Variants in GRIA1 observed in about 807,000 individuals in gnomAD.
GRIA1 encodes the protein glutamate receptor 1.
GRIA1 carries 31 observed loss-of-function variants against 99.2 expected under a neutral mutation model. The observed-to-expected ratio is 0.31, with a 90% CI of 0.23 to 0.42. The LOEUF (loss-of-function observed/expected upper bound fraction) is 0.42. GRIA1 is among the 10% of genes least tolerant of loss of function. The probability of loss-of-function intolerance (pLI) is 1.00; values close to 1 mark genes in which losing one functional copy is unlikely to be tolerated. For missense variants in GRIA1, 782 were observed against 1,157.5 expected (o/e 0.68, Z 4.71); for synonymous variants, 438 against 432.4 (o/e 1.01, Z -0.16).
At chr5:153,642,557 A>G (rs1753845609) in intron 2 of GRIA1, among the ~76,000 whole-genome samples, 1 of 151,324 alleles carries the variant, frequency 6.6e-6, no homozygotes, top group African/African-American at 2.4e-5. Context: ...TGAGATCTCA[A>G]CTCTACAGTT....
chr5:153,499,357 T>C (rs1035738753), intron 2 of GRIA1, among the ~76,000 whole-genome samples: 1 of 152,110 alleles, frequency 6.6e-6, no homozygotes, highest in African/African-American at 2.4e-5. Flanking sequence ...GGCTCACACT[T>C]GTAATCCCAG....
intron 11 of GRIA1, among the ~76,000 whole-genome samples, chr5:153,733,057 CT>C (rs1761154459): frequency 6.7e-6 from 1 of 149,854 alleles, no homozygotes; most frequent in East Asian, 2.0e-4. Context: ...TCACTTCTTG[CT>C]TTAGTATAAA....
intron 2 of GRIA1, among the ~76,000 whole-genome samples, chr5:153,638,844 G>T (rs192221637): frequency 2.6e-5 from 4 of 152,318 alleles, no homozygotes; most frequent in Admixed American, 2.6e-4. Context: ...TTATAGCTAG[G>T]AGTAGGGAGG....
At chr5:153,556,174 C>T (rs1001612984) in intron 2 of GRIA1, among the ~76,000 whole-genome samples, 7 of 152,128 alleles carry the variant, frequency 4.6e-5, no homozygotes, top group African/African-American at 1.7e-4. Context: ...GCAATTTTTT[C>T]AGAGCTTTTA....
At chr5:153,700,353 C>T (rs1381213452) in intron 10 of GRIA1, among the ~76,000 whole-genome samples, 1 of 152,124 alleles carries the variant, frequency 6.6e-6, no homozygotes, top group Non-Finnish European at 1.5e-5. Flanking sequence ...CCATCGCACT[C>T]CAGCCTGGGA....
intron 2 of GRIA1, among the ~76,000 whole-genome samples, chr5:153,620,019 A>G (rs894550393): frequency 6.6e-6 from 1 of 152,194 alleles, no homozygotes; most frequent in African/African-American, 2.4e-5. Flanking sequence ...ATAATGAGCT[A>G]AAACAAGAAG....
intron 2 of GRIA1, among the ~76,000 whole-genome samples, chr5:153,579,938 T>G (rs1029680646): frequency 2.0e-5 from 3 of 152,030 alleles, no homozygotes; most frequent in Admixed American, 1.3e-4. Flanking sequence ...ATTAAACAAT[T>G]AGGAACTGGA....
At chr5:153,701,592 G>C (rs77255323) in intron 10 of GRIA1, among the ~76,000 whole-genome samples, 12,068 of 112,868 alleles carry the variant, frequency 0.11, 1,027 homozygotes, top group East Asian at 0.6. Flanking sequence ...CTGTACTCCA[G>C]CCTGGGCGAC....
intron 10 of GRIA1, among the ~76,000 whole-genome samples, chr5:153,701,202 G>A (rs1252394338): frequency 6.6e-6 from 1 of 152,230 alleles, no homozygotes; most frequent in Non-Finnish European, 1.5e-5. Flanking sequence ...AGCCAACACA[G>A]CTGGTGGTGA....
intron 2 of GRIA1, among the ~76,000 whole-genome samples, chr5:153,511,040 T>C (rs879307392): frequency 2.0e-5 from 3 of 152,194 alleles, no homozygotes; most frequent in African/African-American, 7.2e-5. Context: ...AAAATGCTAA[T>C]GTGTCTTGTT....
intron 8 of GRIA1, among the ~76,000 whole-genome samples, chr5:153,688,342 C>G (rs1244443694): frequency 6.6e-6 from 1 of 152,194 alleles, no homozygotes; most frequent in Non-Finnish European, 1.5e-5. Flanking sequence ...CTCAAAAACC[C>G]TTGAGAATGA....
Position 153,762,048 on chromosome 5 carries a change from G to A in GRIA1, c.1824-2386G>A, listed in dbSNP as rs888483096. On this transcript the variant is annotated intron_variant, in intron 11 of 15. Coordinates refer to ENST00000285900, the MANE Select transcript of GRIA1 (RefSeq NM_000827.4). ...GGAGGGGTGATGGGAAGAGATTTGT[G>A]AACAGGTGCAAAGGCACAGTTAGAT... Among the ~76,000 whole-genome samples the A allele has an allele frequency of 7.2e-5, 11 of 152,156 alleles. No homozygotes were observed. The East Asian group carries it at 1.9e-3, about 27-fold the overall frequency.
intron 2 of GRIA1, among the ~76,000 whole-genome samples, chr5:153,535,263 T>A (rs923590548): frequency 5.9e-5 from 9 of 152,140 alleles, no homozygotes; most frequent in Non-Finnish European, 1.2e-4. Context: ...ATAAGGTGGG[T>A]AAATAGATGT....
intron 11 of GRIA1, among the ~76,000 whole-genome samples, chr5:153,707,414 T>G (rs1160110392): frequency 6.6e-6 from 1 of 152,232 alleles, no homozygotes; most frequent in Non-Finnish European, 1.5e-5. Context: ...GACTACATTC[T>G]GGATGTGCAT....
At chr5:153,607,502 A>G (rs1329447437) in intron 2 of GRIA1, among the ~76,000 whole-genome samples, 1 of 151,898 alleles carries the variant, frequency 6.6e-6, no homozygotes, top group African/African-American at 2.4e-5. Context: ...GATAGACTTA[A>G]CCACATCACT....
chr5:153,501,355 C>T (rs1485750593), intron 2 of GRIA1, among the ~76,000 whole-genome samples: 1 of 152,138 alleles, frequency 6.6e-6, no homozygotes, highest in African/African-American at 2.4e-5. Flanking sequence ...GGCCATGATT[C>T]TATGAAAGCA....
intron 2 of GRIA1, among the ~76,000 whole-genome samples, chr5:153,563,458 C>A (rs1366890109): frequency 6.6e-6 from 1 of 152,126 alleles, no homozygotes; most frequent in East Asian, 1.9e-4. Flanking sequence ...ACTTTCTTTT[C>A]TTTGCCTCAA....
chr5:153,547,516 C>G (rs2113523744), intron 2 of GRIA1, among the ~76,000 whole-genome samples: 1 of 152,314 alleles, frequency 6.6e-6, no homozygotes, highest in South Asian at 2.1e-4. Context: ...GTGACAGATG[C>G]AACTACTTCT....
At chr5:153,499,613 C>CAA (rs70976100) in intron 2 of GRIA1, among the ~76,000 whole-genome samples, 12,871 of 42,014 alleles carry the variant, frequency 0.31, 3,464 homozygotes, top group Non-Finnish European at 0.42. Flanking sequence ...GAATTTGTCT[C>CAA]AAAAAAAAAA....
Sources: gnomAD v4.1 joint callset for allele counts (sites outside exome capture counted in the v4.1 genomes callset) on GRCh38, gnomAD v4.1.1 for gene constraint, MANE v1.5 for transcripts, NCBI Gene and HGNC (gene_info 2026-07-23, HGNC 2026-07-21) for gene names.